Variants in DNHD1 observed in about 807,000 individuals in gnomAD.
DNHD1 encodes dynein heavy chain domain-containing protein 1.
Under a neutral mutation model 458.1 loss-of-function variants are expected in DNHD1, and 383 were observed. That is an observed-to-expected ratio of 0.84 (90% CI 0.77 to 0.91). The LOEUF (loss-of-function observed/expected upper bound fraction) is 0.91, where lower values mean the gene tolerates loss of function less well. Ranked by LOEUF, DNHD1 falls within the 40% of genes least tolerant of loss-of-function variation. The probability of loss-of-function intolerance (pLI) is 0.00; values close to 1 mark genes in which losing one functional copy is unlikely to be tolerated. For synonymous variants in DNHD1, 2,203 were observed against 2,376.9 expected (o/e 0.93, Z 2.13); for missense variants, 5,336 against 5,866.1 (o/e 0.91, Z 2.95).
Position 6,547,566 on chromosome 11 carries a change from T to A in DNHD1, c.6627T>A (p.Ala2209=). Reference sequence around the variant, plus strand: ...TGCTGCAGGTACACGGGCAGCAGGCTGTTTGTGCAGGTGTGGCAGAAGTTA... The same window carrying A: ...TGCTGCAGGTACACGGGCAGCAGGCAGTTTGTGCAGGTGTGGCAGAAGTTA... ...SSLLQVHGQQ[A]VCAGVAEVTS... Residue 2209 remains alanine, a synonymous_variant, in exon 21 of 43, where the codon GCT becomes GCA. Coordinates refer to ENST00000254579, the MANE Select transcript of DNHD1 (RefSeq NM_144666.3). 16 of 1,550,646 alleles carry A rather than the reference T, an allele frequency of 1.0e-5. No individual in the cohort carries two copies. The highest frequency in any genetic ancestry group is 1.4e-5 in the Non-Finnish European group (16 of 1,146,140).
In DNHD1 at chr11:6,547,051, C is replaced by T. The variant is rs1054346121; in HGVS notation, c.6112C>T (p.Pro2038Ser). 7.1e-6 allele frequency: 11 copies of T among 1,551,566 alleles called. No homozygotes were observed. Among genetic ancestry groups the T allele is most frequent in the Non-Finnish European group, 9.6e-6 (11 of 1,146,992 alleles). The change falls in exon 21 of 43, where the codon CCC (proline) becomes TCC (serine). Residue 2038 changes from proline (P) to serine (S), a missense_variant. Transcript: ENST00000254579. Reference sequence around the variant, plus strand: ...CCACCTGTACCCCAGTGGCCTCAGCCCCCAGGAGTTCCTGGGATGGCTAGA... The same window carrying T: ...CCACCTGTACCCCAGTGGCCTCAGCTCCCAGGAGTTCCTGGGATGGCTAGA... ...ITHLYPSGLS[P>S]QEFLGWLEGS...
In DNHD1 at chr11:6,548,694, C is replaced by T; in HGVS notation, c.7148C>T (p.Pro2383Leu). The T allele has an allele frequency of 6.4e-7, 1 of 1,551,672 alleles. No individual in the cohort carries two copies. Among genetic ancestry groups the T allele is most frequent in the Non-Finnish European group, 8.7e-7 (1 of 1,146,968 alleles). Reference sequence around the variant, plus strand: ...GACCTGCTTCTGTCAGGGGGACAGCCAGTGTTGCTGGCTGGAGAGGCAGCA... The same window carrying T: ...GACCTGCTTCTGTCAGGGGGACAGCTAGTGTTGCTGGCTGGAGAGGCAGCA... ...VVDLLLSGGQ[P>L]VLLAGEAATG... Residue 2383 changes from proline to leucine, a missense_variant, in exon 24 of 43, where the codon CCA (proline) becomes CTA (leucine). Coordinates refer to ENST00000254579, the MANE Select transcript of DNHD1 (RefSeq NM_144666.3). The surrounding 1 kb of genome is among the most constrained non-coding windows in gnomAD (Gnocchi z 4.4).
chr11:6,564,243 C>T (rs1219330929), intron 31 of DNHD1, 90 bp from the exon 32 acceptor site: 48 of 1,449,846 alleles, frequency 3.3e-5, no homozygotes, highest in Admixed American at 4.2e-5. Context: ...GTACTTTCCT[C>T]CACACCCCAC....
rs1441315379 is a variant in DNHD1 at position 6,570,034 on chromosome 11, C to T, written c.12889C>T (p.Leu4297Phe). The change falls in exon 40 of 43, where the codon CTT (leucine) becomes TTT (phenylalanine). Residue 4297 changes from leucine (L) to phenylalanine (F), a missense_variant. Leu to Phe is a conservative substitution (Grantham distance 22). Coordinates refer to ENST00000254579, the MANE Select transcript of DNHD1 (RefSeq NM_144666.3). ...GAGTCAAGTGACTCTAACCCAGGTT[C>T]TTCAGACCCAAGACCAGCTGTGGGC... ...RWSQVTLTQV[L>F]QTQDQLWASL... 2 of 1,613,948 alleles carry T rather than the reference C, an allele frequency of 1.2e-6. No individual in the cohort carries two copies. Among genetic ancestry groups the T allele is most frequent in the Non-Finnish European group, 1.7e-6 (2 of 1,179,866 alleles).
rs372813987 is a variant in DNHD1 at position 6,508,983 on chromosome 11, A to C, written c.1024A>C (p.Thr342Pro). The C allele has an allele frequency of 3.1e-6, 5 of 1,614,054 alleles. No individual in the cohort carries two copies. Among genetic ancestry groups the C allele is most frequent in the Non-Finnish European group, 4.2e-6 (5 of 1,180,044 alleles). ...TGTACATCCTGTGGAAGGTAGCGAG[A>C]CGATGACACTGGGTACCTGGCACCA... is the stretch of plus-strand genomic sequence containing the variant. Reference protein sequence around the residue: ...LHVHPVEGSETMTLGTWHHHC... With the variant: ...LHVHPVEGSEPMTLGTWHHHC... Residue 342 changes from threonine to proline, a missense_variant, in exon 5 of 43, where the codon ACG (threonine) becomes CCG (proline). Transcript: ENST00000254579.
In DNHD1 at chr11:6,558,967, C is replaced by T. The variant is rs1429900554; in HGVS notation, c.9277C>T (p.His3093Tyr). Residue 3093 changes from histidine (H) to tyrosine (Y), a missense_variant, in exon 27 of 43, where the codon CAC (histidine) becomes TAC (tyrosine). His to Tyr is a moderately conservative substitution (Grantham distance 83). Transcript: ENST00000254579. ...PSVAKAMALI[H>Y]LSATHYHEHL... is the part of the protein sequence containing the mutation. ...TGTGGCCAAAGCCATGGCTCTTATC[C>T]ACCTTTCGGCCACCCACTACCATGA... 1.3e-6 allele frequency: 2 copies of T among 1,551,726 alleles called. No individual in the cohort carries two copies. Among genetic ancestry groups the T allele is most frequent in the African/African-American group, 1.4e-5 (1 of 73,174 alleles).
chr11:6,550,253 G>T (rs948697660), intron 24 of DNHD1, among the ~76,000 whole-genome samples: 1 of 152,192 alleles, frequency 6.6e-6, no homozygotes, highest in African/African-American at 2.4e-5. Context: ...GCTATGAAGT[G>T]TCAGAACCAA....
chr11:6,548,168 T>C lies in DNHD1; in HGVS notation c.6906-42T>C. 1 of 1,548,582 alleles carries C rather than the reference T, an allele frequency of 6.5e-7. No homozygotes were observed. The highest frequency in any genetic ancestry group is 8.7e-7 in the Non-Finnish European group (1 of 1,144,382). ...GTGAGTGTGTCATAAATGGAAGTGT[T>C]GTAACTGTCTGACGCTTTTGCCTGT... On this transcript the variant is annotated intron_variant, in intron 22 of 42. Coordinates refer to ENST00000254579, the MANE Select transcript of DNHD1 (RefSeq NM_144666.3). This position sits in a 1 kb window ranked among gnomAD's most constrained non-coding sequence, Gnocchi z 4.4.
chr11:6,538,662 A>G lies in DNHD1; in HGVS notation c.3177A>G (p.Ala1059=). Residue 1059 remains alanine, a synonymous_variant, in exon 16 of 43, where the codon GCA becomes GCG. Transcript: ENST00000254579. ...AGACAGAGGGCTGGCTGACAGAGGCAGCACGGATGAGCACAACCCTGGAGC... is the reference window on the plus strand; with the variant it reads ...AGACAGAGGGCTGGCTGACAGAGGCGGCACGGATGAGCACAACCCTGGAGC... ...QEKTEGWLTE[A]ARMSTTLELH... The G allele has an allele frequency of 1.9e-6, 3 of 1,547,798 alleles. No homozygotes were observed. Among genetic ancestry groups the G allele is most frequent in the Non-Finnish European group, 2.6e-6 (3 of 1,144,214 alleles).
At chr11:6,520,799 C>A in intron 10 of DNHD1, 2 of 991,576 alleles carry the variant, frequency 2.0e-6, no homozygotes, top group Non-Finnish European at 2.4e-6. Flanking sequence ...CGTGGAAACA[C>A]ATCTTCACAT....
Position 6,547,343 on chromosome 11 carries a change from C to T in DNHD1, c.6404C>T (p.Ser2135Phe). The change falls in exon 21 of 43, where the codon TCC (serine) becomes TTC (phenylalanine). Residue 2135 changes from serine to phenylalanine, a missense_variant. Ser to Phe is a radical substitution (Grantham distance 155). Transcript: ENST00000254579. ...GAGGTGGCTGACACAACAGGCATATCCCCCACAGTGGTAGGCTGTTGTGCC... is the reference window on the plus strand; with the variant it reads ...GAGGTGGCTGACACAACAGGCATATTCCCCACAGTGGTAGGCTGTTGTGCC... ...LMEVADTTGI[S>F]PTVVGCCALV... 1 of 1,551,800 alleles carries T rather than the reference C, an allele frequency of 6.4e-7. No homozygotes were observed. Among genetic ancestry groups the T allele is most frequent in the Non-Finnish European group, 8.7e-7 (1 of 1,147,016 alleles).
At chr11:6,524,488 C>T (rs1434347709) in intron 10 of DNHD1, among the ~76,000 whole-genome samples, 2 of 152,218 alleles carry the variant, frequency 1.3e-5, no homozygotes, top group Admixed American at 6.5e-5. Flanking sequence ...TTTTATGACA[C>T]CGACTCCATC....
intron 28 of DNHD1, among the ~76,000 whole-genome samples, chr11:6,562,210 C>T (rs1420764962): frequency 6.6e-6 from 1 of 152,094 alleles, no homozygotes; most frequent in Non-Finnish European, 1.5e-5. Flanking sequence ...GGAGATGGAG[C>T]CAAGGGTAAC....
At chr11:6,544,331 G>A (rs950365753) in intron 19 of DNHD1, 85 bp downstream of exon 19, 1 of 1,481,578 alleles carries the variant, frequency 6.7e-7, no homozygotes, top group African/African-American at 1.4e-5. Context: ...TGGAGGTTGG[G>A]TGGGAGAAGA....
intron 3 of DNHD1, 77 bp downstream of exon 3, chr11:6,499,038 G>A: frequency 6.8e-7 from 1 of 1,470,204 alleles, no homozygotes; most frequent in South Asian, 1.4e-5. Flanking sequence ...GGGGTCACTT[G>A]GAAGTTTAGA....
In DNHD1 at chr11:6,557,773, A is replaced by T; in HGVS notation, c.8478A>T (p.Ile2826=). 1 of 1,551,646 alleles carries T rather than the reference A, an allele frequency of 6.4e-7. No homozygotes were observed. The highest frequency in any genetic ancestry group is 8.7e-7 in the Non-Finnish European group (1 of 1,146,970). The stretch of plus-strand genomic sequence containing the variant: ...ACCTGGTCTTCAGTCAGGAGCTGAT[A>T]CTGGGGCCTAACTCTGAGACCCCCA... ...PSDLVFSQEL[I]LGPNSETPNL... The change falls in exon 25 of 43, where the codon ATA becomes ATT. Residue 2826 remains isoleucine (I), a synonymous_variant. Transcript: ENST00000254579.
chr11:6,562,891 A>G (rs1853613963), intron 28 of DNHD1, 91 bp from the exon 29 acceptor site: 1 of 1,410,218 alleles, frequency 7.1e-7, no homozygotes, highest in Non-Finnish European at 9.5e-7. Context: ...TCAAGTGAGG[A>G]GTGTGCTACA....
rs1426425973 is a variant in DNHD1, at chr11:6,497,291, C to G, written c.-569C>G. On this transcript the variant is annotated 5_prime_UTR_variant, in exon 1 of 43. It adds an upstream start codon to the 5' untranslated region. Transcript: ENST00000254579. ...GGCAAAGACTCGGTCCTTCTGGAAT[C>G]TTGTAACGGTTCTAACAGCTGGGTG... 1 of 152,784 alleles carries G rather than the reference C, an allele frequency of 6.5e-6. No individual in the cohort carries two copies. Among genetic ancestry groups the G allele is most frequent in the East Asian group, 1.9e-4 (1 of 5,190 alleles). The allele number at this position is 152,784 out of a possible 1,614,324, so 9.5% of individuals were successfully genotyped here.
At position 6,532,918 on chromosome 11, in the gene DNHD1, T is replaced by C. The variant is rs1295874537; in HGVS notation, c.2348-109T>C. The C allele has an allele frequency of 8.8e-6, 9 of 1,024,728 alleles. No individual in the cohort carries two copies. The Admixed American group carries it at 2.0e-4, about 22-fold the overall frequency. The allele number at this position is 1,024,728 out of a possible 1,614,324, so 63.5% of individuals were successfully genotyped here. A position where few individuals can be genotyped will look rare whatever the true frequency, so the allele number is the denominator to read the frequency against. Reference sequence around the variant, plus strand: ...ATTCAACAAGCATTAAATGAGATAATTCATGGTCTGACCTGCCATTCAGCC... The same window carrying C: ...ATTCAACAAGCATTAAATGAGATAACTCATGGTCTGACCTGCCATTCAGCC... On this transcript the variant is annotated intron_variant, in intron 12 of 42. Coordinates refer to ENST00000254579, the MANE Select transcript of DNHD1 (RefSeq NM_144666.3).
Sources: allele counts gnomAD v4.1 joint callset (sites outside exome capture counted in the v4.1 genomes callset), GRCh38; gene constraint gnomAD v4.1.1; non-coding constraint Gnocchi (gnomAD v3.1); transcripts MANE v1.5; gene names NCBI Gene and HGNC (gene_info 2026-07-23, HGNC 2026-07-21).